The following LRMDA variants were observed in gnomAD, a reference collection of about 807,000 sequenced individuals.
LRMDA encodes leucine-rich melanocyte differentiation-associated protein.
A neutral mutation model predicts 29.8 loss-of-function variants in LRMDA; 18 were observed. The observed-to-expected ratio is 0.60, with a 90% CI of 0.42 to 0.90. LRMDA has a LOEUF of 0.90. Ranked by LOEUF, LRMDA falls within the 40% of genes least tolerant of loss-of-function variation. The pLI, the probability that LRMDA is intolerant of heterozygous loss-of-function variation, is 0.00. For synonymous variants in LRMDA, 125 were observed against 109.4 expected, an observed-to-expected ratio of 1.14 and a Z score of -0.89; for missense variants, 273 against 273.9, an observed-to-expected ratio of 1.00 and a Z score of 0.02.
intron 6 of LRMDA, among the ~76,000 whole-genome samples, chr10:76,370,179 C>G (rs967641873): frequency 1.3e-5 from 2 of 151,850 alleles, no homozygotes; most frequent in African/African-American, 4.8e-5. Flanking sequence ...TCCTCGTACA[C>G]AAGATTTTAT....
intron 2 of LRMDA, among the ~76,000 whole-genome samples, chr10:75,801,351 G>A (rs530002830): frequency 6.6e-6 from 1 of 152,322 alleles, no homozygotes; most frequent in Non-Finnish European, 1.5e-5. Flanking sequence ...TGAGACTGAA[G>A]CTTTTTCTTG....
intron 2 of LRMDA, among the ~76,000 whole-genome samples, chr10:75,932,315 T>C (rs1216028063): frequency 6.6e-6 from 1 of 152,242 alleles, no homozygotes; most frequent in African/African-American, 2.4e-5. Context: ...CTCCTTCCAA[T>C]TGGGTATAAT....
chr10:76,136,758 A>G (rs1850103206), intron 5 of LRMDA, among the ~76,000 whole-genome samples: 1 of 152,312 alleles, frequency 6.6e-6, no homozygotes, highest in South Asian at 2.1e-4. Context: ...ATTTTACATA[A>G]GTTTTTAAAA....
At chr10:76,058,854 C>T in intron 5 of LRMDA, 71 bp downstream of exon 5, 2 of 1,167,226 alleles carry the variant, frequency 1.7e-6, no homozygotes, top group South Asian at 2.5e-5. Flanking sequence ...CCAGGGCATG[C>T]AGAATGTCCT....
At chr10:76,341,509 G>A (rs1388468689) in intron 6 of LRMDA, among the ~76,000 whole-genome samples, 1 of 152,162 alleles carries the variant, frequency 6.6e-6, no homozygotes, top group Non-Finnish European at 1.5e-5. Context: ...AACACTCATT[G>A]TTATTCCAGT....
intron 2 of LRMDA, among the ~76,000 whole-genome samples, chr10:76,014,109 T>A (rs1425520087): frequency 7.6e-6 from 1 of 131,608 alleles, no homozygotes; most frequent in East Asian, 2.3e-4. Flanking sequence ...AAAAAAAGTA[T>A]ATATATATAT....
chr10:76,261,064 C>CTTTT (rs58554883), intron 5 of LRMDA, among the ~76,000 whole-genome samples: 3,053 of 117,626 alleles, frequency 0.026, 201 homozygotes, highest in Admixed American at 0.067. Flanking sequence ...CTTTTCTTTT[C>CTTTT]TTTTTTTTTT....
chr10:75,692,687 T>C lies in LRMDA; in HGVS notation c.131+254193T>C, dbSNP rs76306802. Among the ~76,000 whole-genome samples the C allele has an allele frequency of 1.4e-3, 211 of 151,836 alleles. 3 individuals are homozygous for C. The highest frequency in any genetic ancestry group is 1.8e-3 in the East Asian group (9 of 5,128). ...CCAGAAAATAGGTTTCTAGTATGAATAGTGTTCCTCCCTTTTGCTCACCTA... is the reference window on the plus strand; with the variant it reads ...CCAGAAAATAGGTTTCTAGTATGAACAGTGTTCCTCCCTTTTGCTCACCTA... On this transcript the variant is annotated intron_variant, in intron 2 of 6. Transcript: ENST00000611255.
intron 5 of LRMDA, among the ~76,000 whole-genome samples, chr10:76,067,367 C>T (rs941271616): frequency 6.6e-6 from 1 of 152,116 alleles, no homozygotes; most frequent in Non-Finnish European, 1.5e-5. Context: ...TCTTGATCCA[C>T]TTTGGAAAAG....
At chr10:76,371,612 T>G (rs1384294653) in intron 6 of LRMDA, among the ~76,000 whole-genome samples, 1 of 152,174 alleles carries the variant, frequency 6.6e-6, no homozygotes, top group African/African-American at 2.4e-5. Flanking sequence ...ATCAAAACTC[T>G]GAAATTCATC....
chr10:75,683,802 A>G (rs1810572789), intron 2 of LRMDA, among the ~76,000 whole-genome samples: 1 of 152,184 alleles, frequency 6.6e-6, no homozygotes, highest in South Asian at 2.1e-4. Flanking sequence ...TTGAAAGATT[A>G]TTACACACCT....
chr10:76,275,526 T>C (rs1840120262), intron 5 of LRMDA, among the ~76,000 whole-genome samples: 1 of 152,156 alleles, frequency 6.6e-6, no homozygotes, highest in Non-Finnish European at 1.5e-5. Flanking sequence ...ATTTTATTTT[T>C]CATATGCATT....
At chr10:76,373,277 A>T (rs1841476675) in intron 6 of LRMDA, among the ~76,000 whole-genome samples, 6 of 152,210 alleles carry the variant, frequency 3.9e-5, no homozygotes, top group Admixed American at 3.9e-4. Context: ...GCTCATTTTA[A>T]GATGAGTATC....
chr10:76,130,605 C>T (rs552325118), intron 5 of LRMDA, among the ~76,000 whole-genome samples: 11 of 152,106 alleles, frequency 7.2e-5, no homozygotes, highest in South Asian at 2.1e-4. Flanking sequence ...ACAGTTTGCA[C>T]GACTATTGTG....
chr10:75,490,344 C>T (rs1035640708), intron 2 of LRMDA, among the ~76,000 whole-genome samples: 1 of 119,646 alleles, frequency 8.4e-6, no homozygotes. Flanking sequence ...CATACACACA[C>T]ACACACACAC....
intron 5 of LRMDA, among the ~76,000 whole-genome samples, chr10:76,188,206 A>G (rs1356665219): frequency 6.6e-6 from 1 of 152,158 alleles, no homozygotes; most frequent in African/African-American, 2.4e-5. Context: ...TGATTCTCAT[A>G]TTTGGTTTTG....
At chr10:76,494,524 C>A (rs569360704) in intron 6 of LRMDA, among the ~76,000 whole-genome samples, 30 of 151,824 alleles carry the variant, frequency 2.0e-4, no homozygotes, top group African/African-American at 7.2e-4. Flanking sequence ...CTGACTGAGT[C>A]TGGCTAAAGT....
chr10:76,353,340 G>A (rs924799438), intron 6 of LRMDA, among the ~76,000 whole-genome samples: 2 of 151,640 alleles, frequency 1.3e-5, no homozygotes, highest in African/African-American at 4.8e-5. Flanking sequence ...TTGTGTGTGT[G>A]TGTGTGTGTG....
intron 2 of LRMDA, among the ~76,000 whole-genome samples, chr10:75,713,286 GATTT>G (rs1470950811): frequency 6.6e-6 from 1 of 152,202 alleles, no homozygotes; most frequent in Non-Finnish European, 1.5e-5. Flanking sequence ...TTTTACAATA[GATTT>G]ATTATTTACA....
Sources: gnomAD v4.1 joint callset for allele counts (sites outside exome capture counted in the v4.1 genomes callset) on GRCh38, gnomAD v4.1.1 for gene constraint, MANE v1.5 for transcripts, NCBI Gene and HGNC (gene_info 2026-07-23, HGNC 2026-07-21) for gene names.